GALNT2: variants seen among roughly 807,000 people sequenced by gnomAD.
The protein encoded by GALNT2 is UDP-GalNAc:polypeptide N-acetylgalactosaminyltransferase 2.
GALNT2 carries 31 observed loss-of-function variants against 81.4 expected under a neutral mutation model. The observed-to-expected ratio is 0.38, with a 90% CI of 0.29 to 0.51. GALNT2 has a LOEUF of 0.51. Among genes scored for constraint, GALNT2 ranks in the 20% least tolerant of loss-of-function variants. The pLI is 0.87. For synonymous variants in GALNT2, 303 were observed against 287.4 expected (o/e 1.05, Z -0.55); for missense variants, 629 against 765.7 (o/e 0.82, Z 2.11).
chr1:230,116,655 C>T (rs1236482212), intron 1 of GALNT2, among the ~76,000 whole-genome samples: 1 of 152,190 alleles, frequency 6.6e-6, no homozygotes, highest in East Asian at 1.9e-4. Flanking sequence ...CATCAGAGCT[C>T]TTGGGTGACC....
At chr1:230,139,549 G>A (rs957469180) in intron 1 of GALNT2, among the ~76,000 whole-genome samples, 1 of 152,222 alleles carries the variant, frequency 6.6e-6, no homozygotes, top group Non-Finnish European at 1.5e-5. Context: ...TGGGCCTGGA[G>A]GGGAGCCACT....
At chr1:230,160,982 C>G (rs928962286) in intron 1 of GALNT2, among the ~76,000 whole-genome samples, 1 of 152,168 alleles carries the variant, frequency 6.6e-6, no homozygotes, top group African/African-American at 2.4e-5. Flanking sequence ...CAGCCATATA[C>G]AGTCTACTTC....
At chr1:230,239,658 C>T (rs537355695) in intron 6 of GALNT2, among the ~76,000 whole-genome samples, 50 of 152,290 alleles carry the variant, frequency 3.3e-4, no homozygotes, top group African/African-American at 1.2e-3. Context: ...TTACATGTGG[C>T]GTAATCATTG....
intron 1 of GALNT2, among the ~76,000 whole-genome samples, chr1:230,167,969 C>CT (rs1330275768): frequency 2.1e-4 from 32 of 151,866 alleles, no homozygotes; most frequent in African/African-American, 7.3e-4. Context: ...ATACCCCCCC[C>CT]TTTTTTTTGT....
rs1663405012 is a variant in GALNT2, at chr1:230,188,181, G to A, written c.220+9870G>A. Among the ~76,000 whole-genome samples the A allele has an allele frequency of 2.0e-5, 3 of 152,130 alleles. No homozygotes were observed. The South Asian group carries it at 6.2e-4, about 31-fold the overall frequency. ...ACAATGTCTGTCATTTTCTTTCTTT[G>A]CCCCAGAAGATTGTCTTATGTGGCC... is the stretch of plus-strand genomic sequence containing the variant. On this transcript the variant is annotated intron_variant, in intron 2 of 15. Coordinates refer to ENST00000366672, the MANE Select transcript of GALNT2 (RefSeq NM_004481.5).
rs1244502029 is a variant in GALNT2 at position 230,067,294 on chromosome 1, C to T, written c.14C>T (p.Ser5Leu). ...CGAGTTGGGAGAATGCGGCGGCGCT[C>T]GCGGATGCTGCTCTGCTTCGCCTTC... MRRR[S>L]RMLLCFAFLW... The change falls in exon 1 of 16, where the codon TCG (serine) becomes TTG (leucine). Residue 5 changes from serine to leucine, a missense_variant. By Grantham distance (145) the Ser-to-Leu change is moderately radical. Transcript: ENST00000366672. 2.2e-6 allele frequency: 3 copies of T among 1,362,102 alleles called. No homozygotes were observed. The highest frequency in any genetic ancestry group is 1.5e-5 in the African/African-American group (1 of 65,548). 84.4% of individuals were successfully genotyped at this position (1,362,102 alleles called of 1,614,324 possible). A position where few individuals can be genotyped will look rare whatever the true frequency, so the allele number is the denominator to read the frequency against.
chr1:230,058,135 G>A (rs975349089), intron 1 of GALNT2: 4 of 455,864 alleles, frequency 8.8e-6, no homozygotes, highest in Non-Finnish European at 1.8e-5. Context: ...GGCTATGGGG[G>A]CGTCTTTAAC....
chr1:230,177,841 T>C (rs1663033203), intron 1 of GALNT2, among the ~76,000 whole-genome samples: 1 of 152,248 alleles, frequency 6.6e-6, no homozygotes, highest in South Asian at 2.1e-4. Flanking sequence ...ACCTTCATTT[T>C]AATGGCTTTA....
intron 1 of GALNT2, among the ~76,000 whole-genome samples, chr1:230,138,767 A>G (rs1421340148): frequency 6.6e-6 from 1 of 152,182 alleles, no homozygotes; most frequent in Non-Finnish European, 1.5e-5. Context: ...GTAAACTGTC[A>G]TGGCACTGAT....
chr1:230,273,163 A>G (rs1344344743), intron 14 of GALNT2, among the ~76,000 whole-genome samples: 1 of 152,196 alleles, frequency 6.6e-6, no homozygotes, highest in Non-Finnish European at 1.5e-5. Context: ...TTTAAACACT[A>G]TTTGTTCCTT....
intron 11 of GALNT2, among the ~76,000 whole-genome samples, chr1:230,259,305 G>A (rs930194923): frequency 6.6e-6 from 1 of 152,170 alleles, no homozygotes; most frequent in Non-Finnish European, 1.5e-5. Context: ...TACAAAATTT[G>A]TTTGTTTTAT....
chr1:230,169,115 TA>T (rs1156591226), intron 1 of GALNT2, among the ~76,000 whole-genome samples: 2 of 152,154 alleles, frequency 1.3e-5, no homozygotes, highest in Non-Finnish European at 2.9e-5. Flanking sequence ...ACCACAGAAG[TA>T]AAATATGCAT....
At chr1:230,156,179 G>A (rs979159131) in intron 1 of GALNT2, among the ~76,000 whole-genome samples, 4 of 151,374 alleles carry the variant, frequency 2.6e-5, no homozygotes, top group African/African-American at 7.3e-5. Flanking sequence ...GTCTGGAGAC[G>A]GTGCGGTTTT....
intron 3 of GALNT2, among the ~76,000 whole-genome samples, chr1:230,210,479 T>G (rs978050774): frequency 2.6e-5 from 4 of 152,178 alleles, no homozygotes; most frequent in African/African-American, 4.8e-5. Context: ...AAATGTGGGG[T>G]TTTGAAACAT....
chr1:230,110,146 T>G (rs1324181736), intron 1 of GALNT2, among the ~76,000 whole-genome samples: 1 of 152,200 alleles, frequency 6.6e-6, no homozygotes, highest in Non-Finnish European at 1.5e-5. Flanking sequence ...GTGTCCTTCC[T>G]TAAACTTAGT....
chr1:230,142,789 T>C (rs949536870), intron 1 of GALNT2, among the ~76,000 whole-genome samples: 3 of 152,216 alleles, frequency 2.0e-5, no homozygotes, highest in African/African-American at 7.2e-5. Flanking sequence ...GTCCTCTGTC[T>C]TACTGTGGGG....
intron 1 of GALNT2, among the ~76,000 whole-genome samples, chr1:230,071,686 A>C (rs1474925): frequency 0.6 from 91,358 of 152,094 alleles, 33,141 homozygotes; most frequent in Non-Finnish European, 0.79. Flanking sequence ...ACCTATCATC[A>C]GTTTGGAGTT....
At chr1:230,171,923 C>A (rs1347354603) in intron 1 of GALNT2, among the ~76,000 whole-genome samples, 1 of 152,158 alleles carries the variant, frequency 6.6e-6, no homozygotes, top group African/African-American at 2.4e-5. Context: ...CCCTGCCCCC[C>A]ACCCCTGTCC....
intron 1 of GALNT2, among the ~76,000 whole-genome samples, chr1:230,082,719 C>G (rs16850868): frequency 6.6e-6 from 1 of 152,246 alleles, no homozygotes; most frequent in Non-Finnish European, 1.5e-5. Context: ...ATGGAACATA[C>G]GCACTGGAGT....
Sources: gnomAD v4.1 joint callset for allele counts (sites outside exome capture counted in the v4.1 genomes callset) on GRCh38, gnomAD v4.1.1 for gene constraint, MANE v1.5 for transcripts, NCBI Gene and HGNC (gene_info 2026-07-23, HGNC 2026-07-21) for gene names.